PCDHGA10: variants seen among roughly 807,000 people sequenced by gnomAD.
The protein encoded by PCDHGA10 is protocadherin gamma-A10.
In PCDHGA10, 42 loss-of-function variants were observed where a neutral mutation model predicts 59.5. The ratio of observed to expected loss-of-function variants is 0.71; its 90% CI spans 0.55 to 0.91. PCDHGA10 has a LOEUF of 0.91. PCDHGA10 is among the 40% of genes least tolerant of loss of function. PCDHGA10 has a pLI of 0.00. For missense variants in PCDHGA10, 1,111 were observed against 1,198.2 expected, an observed-to-expected ratio of 0.93 and a Z score of 1.07; for synonymous variants, 511 against 517.2, an observed-to-expected ratio of 0.99 and a Z score of 0.16.
intron 1 of PCDHGA10, among the ~76,000 whole-genome samples, chr5:141,494,177 TG>T (rs2099752471): frequency 6.6e-6 from 1 of 152,176 alleles, no homozygotes; most frequent in Non-Finnish European, 1.5e-5. Flanking sequence ...GGGTGAGAAG[TG>T]TCCCGGGACT....
chr5:141,496,766 CT>C (rs1361332988), intron 2 of PCDHGA10, among the ~76,000 whole-genome samples: 1 of 152,068 alleles, frequency 6.6e-6, no homozygotes, highest in Non-Finnish European at 1.5e-5. Context: ...TATCGAGCAT[CT>C]ACTATGAGCA....
intron 2 of PCDHGA10, among the ~76,000 whole-genome samples, chr5:141,500,281 T>A (rs1254933339): frequency 2.0e-5 from 3 of 151,934 alleles, no homozygotes; most frequent in Non-Finnish European, 4.4e-5. Context: ...CAATCTCGGC[T>A]CACTGCAAGC....
Position 141,414,100 on chromosome 5 carries a change from G to A in PCDHGA10, c.925G>A (p.Glu309Lys), listed in dbSNP as rs1293589634. The stretch of plus-strand genomic sequence containing the variant: ...ATATACTGGAGAAATAAAAATATCA[G>A]AAAATCTAGATTATGAAGAAACCGG... ...NKYTGEIKISENLDYEETGFY... is the reference protein window; with the variant it reads ...NKYTGEIKISKNLDYEETGFY... Residue 309 changes from glutamate (E) to lysine (K), a missense_variant, in exon 1 of 4, where the codon GAA becomes AAA. Physicochemically the swap from Glu to Lys is moderately conservative, Grantham distance 56. Transcript: ENST00000398610. 1.3e-6 allele frequency: 2 copies of A among 1,593,288 alleles called. No individual in the cohort carries two copies.
chr5:141,476,309 A>G lies in PCDHGA10; in HGVS notation c.2437-18498A>G. ...GGATCTCGGTAGCCTCTCAGCCCGC[A>G]GGTTCCGGGTGGTGTCTGGAGCTAG... On this transcript the variant is annotated intron_variant, in intron 1 of 3. Transcript: ENST00000398610. The surrounding 1 kb of genome is among the most constrained non-coding windows in gnomAD (Gnocchi z 7.6). The G allele has an allele frequency of 6.2e-7, 1 of 1,613,966 alleles. No homozygotes were observed. Among genetic ancestry groups the G allele is most frequent in the Non-Finnish European group, 8.5e-7 (1 of 1,179,988 alleles).
chr5:141,419,207 CCGGTTTTCGGACAGT>C, intron 1 of PCDHGA10: 5 of 1,613,998 alleles, frequency 3.1e-6, no homozygotes, highest in Non-Finnish European at 4.2e-6. Flanking sequence ...TGACAACGCG[CCGGTTTTCGGACAGT>C]CAGCCTACCT....
rs752788034 is a variant in PCDHGA10, at chr5:141,413,182, G to A, written c.7G>A (p.Ala3Thr). Reference sequence around the variant, plus strand: ...ATTCTGTAACCAGACTACAATGGCCGCTCAAAGGAATCGCTCAAAGGAATC... The same window carrying A: ...ATTCTGTAACCAGACTACAATGGCCACTCAAAGGAATCGCTCAAAGGAATC... Reference protein sequence around the residue: MAAQRNRSKESKD... With the variant: MATQRNRSKESKD... Residue 3 changes from alanine (A) to threonine (T), a missense_variant, in exon 1 of 4, where the codon GCT (alanine) becomes ACT (threonine). Coordinates refer to ENST00000398610, the MANE Select transcript of PCDHGA10 (RefSeq NM_018913.3). 1 of 1,604,164 alleles carries A rather than the reference G, an allele frequency of 6.2e-7. No homozygotes were observed. The highest frequency in any genetic ancestry group is 8.5e-7 in the Non-Finnish European group (1 of 1,174,212).
At chr5:141,452,673 G>A (rs2098746812) in intron 1 of PCDHGA10, among the ~76,000 whole-genome samples, 1 of 151,896 alleles carries the variant, frequency 6.6e-6, no homozygotes, top group Non-Finnish European at 1.5e-5. Flanking sequence ...CTCCAGCCTA[G>A]GCCACAGAAT....
chr5:141,414,702 A>G lies in PCDHGA10; in HGVS notation c.1527A>G (p.Ile509Met). 6.2e-7 allele frequency: 1 copy of G among 1,613,974 alleles called. No homozygotes were observed. Among genetic ancestry groups the G allele is most frequent in the Non-Finnish European group, 8.5e-7 (1 of 1,179,918 alleles). ...AGGGGGTACCTCTGTCCTCATACATATCCATCAACTCAGACACTGGCGTCC... is the reference window on the plus strand; with the variant it reads ...AGGGGGTACCTCTGTCCTCATACATGTCCATCAACTCAGACACTGGCGTCC... The part of the protein sequence containing the change: ...TIQGVPLSSY[I>M]SINSDTGVLY... The change falls in exon 1 of 4, where the codon ATA becomes ATG. Residue 509 changes from isoleucine to methionine, a missense_variant. Ile to Met is a conservative substitution (Grantham distance 10). Transcript: ENST00000398610.
rs3074541 is a variant in PCDHGA10 at position 141,433,358 on chromosome 5, CCTATCTATCTATCTATCTATCTAT to C, written c.2436+17772_2436+17795del. 6 of 503,934 alleles carry C rather than the reference CCTATCTATCTATCTATCTATCTAT, an allele frequency of 1.2e-5. No homozygotes were observed. In the Admixed American group the frequency reaches 1.5e-4, roughly 12 times the overall value. The allele number at this position is 503,934 out of a possible 1,614,324, so 31.2% of individuals were successfully genotyped here. ...ACAGGTGCAAGCCACCTACTGTCTG[CCTATCTATCTATCTATCTATCTAT>C]CTATCTATCTATCTATCTATCTATT... On this transcript the variant is annotated intron_variant, in intron 1 of 3. Transcript: ENST00000398610.
rs1266068276 is a variant in PCDHGA10 at position 141,418,847 on chromosome 5, C to T, written c.2436+3236C>T. 1.2e-6 allele frequency: 2 copies of T among 1,613,972 alleles called. No individual in the cohort carries two copies. The highest frequency in any genetic ancestry group is 1.3e-5 in the African/African-American group (1 of 75,054). On this transcript the variant is annotated intron_variant, in intron 1 of 3. Transcript: ENST00000398610. ...AAAAGACCGAGGATCTCTCTCAACACGGTGTAAAGTAATTGTAGAAGTTGT... is the reference window on the plus strand; with the variant it reads ...AAAAGACCGAGGATCTCTCTCAACATGGTGTAAAGTAATTGTAGAAGTTGT...
At chr5:141,510,653 T>G (rs1388568365) in intron 3 of PCDHGA10, among the ~76,000 whole-genome samples, 1 of 152,184 alleles carries the variant, frequency 6.6e-6, no homozygotes, top group Non-Finnish European at 1.5e-5. Context: ...ATCCCCATTT[T>G]GCAGATGAGA....
intron 1 of PCDHGA10, among the ~76,000 whole-genome samples, chr5:141,488,115 G>A (rs936010936): frequency 1.4e-4 from 21 of 152,298 alleles, no homozygotes; most frequent in Middle Eastern, 3.4e-3. Flanking sequence ...TTGAAACATA[G>A]AGACAGCAGA....
At chr5:141,480,511 A>G (rs2099520888) in intron 1 of PCDHGA10, among the ~76,000 whole-genome samples, 1 of 127,378 alleles carries the variant, frequency 7.9e-6, no homozygotes, top group African/African-American at 3.6e-5. Context: ...ATATGAGAAC[A>G]ACCAAAAATG....
intron 2 of PCDHGA10, among the ~76,000 whole-genome samples, chr5:141,499,800 C>A (rs2099794584): frequency 6.6e-6 from 1 of 150,704 alleles, no homozygotes; most frequent in Admixed American, 6.7e-5. Context: ...AATTCTCATG[C>A]TTCAGCCTCC....
chr5:141,415,896 AC>A, intron 1 of PCDHGA10: 1 of 882,726 alleles, frequency 1.1e-6, no homozygotes, highest in East Asian at 3.3e-5. Flanking sequence ...AATTCCTAAG[AC>A]AGACTTCCAT....
In PCDHGA10 at chr5:141,490,959, C is replaced by T. The variant is rs1385897960; in HGVS notation, c.2437-3848C>T. ...TGCACCCACGGCCAGACTGGGAACA[C>T]TCAGCCCCCCAGCGTCTCCCTCGCT... On this transcript the variant is annotated intron_variant, in intron 1 of 3. Transcript: ENST00000398610. The surrounding 1 kb of genome is among the most constrained non-coding windows in gnomAD (Gnocchi z 5.4). 6.2e-7 allele frequency: 1 copy of T among 1,613,844 alleles called. No individual in the cohort carries two copies. Among genetic ancestry groups the T allele is most frequent in the South Asian group, 1.1e-5 (1 of 91,038 alleles).
chr5:141,432,873 T>A lies in PCDHGA10; in HGVS notation c.2436+17262T>A, dbSNP rs753576338. ...GTGGCCGCGGTCTCCTGCGTCTTCCTGGCCTTCGTCATCTTGCTGCTGGCG... is the reference window on the plus strand; with the variant it reads ...GTGGCCGCGGTCTCCTGCGTCTTCCAGGCCTTCGTCATCTTGCTGCTGGCG... On this transcript the variant is annotated intron_variant, in intron 1 of 3. Transcript: ENST00000398610. This position sits in a 1 kb window ranked among gnomAD's most constrained non-coding sequence, Gnocchi z 6.0. 1.4e-5 allele frequency: 22 copies of A among 1,614,204 alleles called. No individual in the cohort carries two copies. The highest frequency in any genetic ancestry group is 3.3e-4 in the Middle Eastern group (2 of 6,062).
chr5:141,470,969 A>C (rs62379203), intron 1 of PCDHGA10, among the ~76,000 whole-genome samples: 16,337 of 151,332 alleles, frequency 0.11, 895 homozygotes, highest in South Asian at 0.15. Flanking sequence ...CTCCCACCTC[A>C]GCCTCCCAAA....
rs547410815 is a variant in PCDHGA10 at position 141,418,658 on chromosome 5, A to T, written c.2436+3047A>T. ...CACCTCCATCCTGAGAGTGAAGGCC[A>T]CTGACCAGGACGAGGGCATCAACTC... is the stretch of plus-strand genomic sequence containing the variant. On this transcript the variant is annotated intron_variant, in intron 1 of 3. Transcript: ENST00000398610. 2.6e-4 allele frequency: 419 copies of T among 1,614,030 alleles called. 6 individuals carry two copies. The South Asian group carries it at 4.2e-3, about 16-fold the overall frequency.
Sources: allele counts gnomAD v4.1 joint callset (sites outside exome capture counted in the v4.1 genomes callset), GRCh38; gene constraint gnomAD v4.1.1; non-coding constraint Gnocchi (gnomAD v3.1); transcripts MANE v1.5; gene names NCBI Gene and HGNC (gene_info 2026-07-23, HGNC 2026-07-21).